The following LAYN variants were observed in gnomAD, a reference collection of about 807,000 sequenced individuals.
LAYN encodes the protein layilin.
LAYN carries 38 observed loss-of-function variants against 43.6 expected under a neutral mutation model. The observed-to-expected ratio is 0.87, with a 90% CI of 0.67 to 1.14. The LOEUF (loss-of-function observed/expected upper bound fraction) is 1.14, where lower values mean the gene tolerates loss of function less well. Ranked by LOEUF, LAYN falls within the 50% of genes most tolerant of loss-of-function variation. The pLI, the probability that LAYN is intolerant of heterozygous loss-of-function variation, is 0.00. For synonymous variants in LAYN, 168 were observed against 172.9 expected (o/e 0.97, Z 0.22); for missense variants, 479 against 463.8 (o/e 1.03, Z -0.30).
chr11:111,555,375 C>A (rs976405061), intron 5 of LAYN, 85 bp downstream of exon 5: 2 of 958,186 alleles, frequency 2.1e-6, no homozygotes, highest in Non-Finnish European at 3.2e-6. Flanking sequence ...CTACTTTGTT[C>A]TTTCCCACAG....
intron 2 of LAYN, 48 bp from the exon 3 acceptor site, chr11:111,549,570 C>A: frequency 2.8e-6 from 4 of 1,452,520 alleles, no homozygotes; most frequent in Non-Finnish European, 2.7e-6. Context: ...TTTGAAGTCT[C>A]AGGGGATCCT....
rs760276509 is a variant in LAYN, at chr11:111,560,475, A to C, written c.*17A>C. 6 of 1,587,388 alleles carry C rather than the reference A, an allele frequency of 3.8e-6. No homozygotes were observed. The Admixed American group carries it at 1.1e-4, about 29-fold the overall frequency. ...GGTTATTAGGACATATAAAAAACTG[A>C]AACTGACAACAATGGAAAAGAAATG... On this transcript the variant is annotated 3_prime_UTR_variant, in exon 7 of 7. Coordinates refer to ENST00000375614, the MANE Select transcript of LAYN (RefSeq NM_178834.5).
At chr11:111,547,983 G>A (rs1040822737) in intron 2 of LAYN, among the ~76,000 whole-genome samples, 1 of 152,146 alleles carries the variant, frequency 6.6e-6, no homozygotes, top group African/African-American at 2.4e-5. Flanking sequence ...AACCAATGTG[G>A]AACTGTACCA....
In LAYN at chr11:111,549,739, A is replaced by G; in HGVS notation, c.505A>G (p.Asn169Asp). 1 of 1,605,580 alleles carries G rather than the reference A, an allele frequency of 6.2e-7. No individual in the cohort carries two copies. Among genetic ancestry groups the G allele is most frequent in the Admixed American group, 1.7e-5 (1 of 58,368 alleles). The change falls in exon 3 of 7, where the codon AAC (asparagine) becomes GAC (aspartate). Residue 169 changes from asparagine (N) to aspartate (D), a missense_variant. Asn to Asp is a conservative substitution (Grantham distance 23). Transcript: ENST00000375614. ...GTTCCAGTGGAATGATGACCGGTGCAACATGAAGAACAATTTCATTTGCAA... is the reference window on the plus strand; with the variant it reads ...GTTCCAGTGGAATGATGACCGGTGCGACATGAAGAACAATTTCATTTGCAA... ...YMFQWNDDRC[N>D]MKNNFICKYS...
At chr11:111,541,812 A>G (rs546228453) in intron 1 of LAYN, among the ~76,000 whole-genome samples, 1 of 152,034 alleles carries the variant, frequency 6.6e-6, no homozygotes, top group Non-Finnish European at 1.5e-5. Flanking sequence ...TGGGAAGCTG[A>G]ATTGAGCTGC....
intron 1 of LAYN, among the ~76,000 whole-genome samples, chr11:111,542,824 C>T (rs927089284): frequency 6.6e-6 from 1 of 152,208 alleles, no homozygotes; most frequent in Non-Finnish European, 1.5e-5. Context: ...TTCCTGTATT[C>T]CCAGCACCTC....
At position 111,560,173 on chromosome 11, in the gene LAYN, C is replaced by T; in HGVS notation, c.840C>T (p.Asp280=). The part of the protein sequence containing the change: ...WPSPHQGNSP[D]LEVYNVIRKQ... ...CTCCTCACCAGGGAAACAGCCCGGA[C>T]CTAGAGGTCTACAATGTCATAAGAA... Residue 280 remains aspartate, a synonymous_variant, in exon 7 of 7, where the codon GAC becomes GAT. Coordinates refer to ENST00000375614, the MANE Select transcript of LAYN (RefSeq NM_178834.5). 1 of 1,614,214 alleles carries T rather than the reference C, an allele frequency of 6.2e-7. No homozygotes were observed. The highest frequency in any genetic ancestry group is 8.5e-7 in the Non-Finnish European group (1 of 1,180,046).
intron 2 of LAYN, among the ~76,000 whole-genome samples, chr11:111,546,272 C>G (rs1240681444): frequency 6.6e-6 from 1 of 152,212 alleles, no homozygotes; most frequent in Non-Finnish European, 1.5e-5. Context: ...TCCTAGTCCA[C>G]AATCTTCCAG....
At chr11:111,541,353 G>T in intron 1 of LAYN, 1 of 612,972 alleles carries the variant, frequency 1.6e-6, no homozygotes, top group Non-Finnish European at 2.9e-6. Flanking sequence ...GGCGGCCGCA[G>T]AGACAGCGGG....
chr11:111,553,186 T>C (rs1867772659), intron 3 of LAYN, among the ~76,000 whole-genome samples: 1 of 151,884 alleles, frequency 6.6e-6, no homozygotes, highest in Non-Finnish European at 1.5e-5. Flanking sequence ...GAGCTTGCAG[T>C]GAGCCGAGAT....
In LAYN at chr11:111,560,192, A is replaced by G. The variant is rs550459608; in HGVS notation, c.859A>G (p.Ile287Val). 1.2e-6 allele frequency: 2 copies of G among 1,614,226 alleles called. No individual in the cohort carries two copies. The highest frequency in any genetic ancestry group is 2.7e-5 in the African/African-American group (2 of 75,060). ...CCCGGACCTAGAGGTCTACAATGTC[A>G]TAAGAAAACAAAGCGAAGCTGACTT... is the stretch of plus-strand genomic sequence containing the variant. ...NSPDLEVYNV[I>V]RKQSEADLAE... Residue 287 changes from isoleucine to valine, a missense_variant, in exon 7 of 7, where the codon ATA becomes GTA. Coordinates refer to ENST00000375614, the MANE Select transcript of LAYN (RefSeq NM_178834.5).
intron 5 of LAYN, among the ~76,000 whole-genome samples, chr11:111,557,198 T>G (rs960040911): frequency 6.6e-6 from 1 of 152,110 alleles, no homozygotes; most frequent in Non-Finnish European, 1.5e-5. Context: ...ACAAAAAGCT[T>G]AATTAACAAA....
At chr11:111,558,783 A>AAATAT (rs386374901) in intron 6 of LAYN, among the ~76,000 whole-genome samples, 2 of 143,134 alleles carry the variant, frequency 1.4e-5, no homozygotes, top group African/African-American at 5.3e-5. Flanking sequence ...TATTTAAAAA[A>AAATAT]ATATATATAT....
Position 111,561,481 on chromosome 11 carries a change from A to G in LAYN, c.*1023A>G, listed in dbSNP as rs1413891730. 1 of 152,226 alleles carries G rather than the reference A, an allele frequency of 6.6e-6. No individual in the cohort carries two copies. Among genetic ancestry groups the G allele is most frequent in the Non-Finnish European group, 1.5e-5 (1 of 68,040 alleles). The allele number at this position is 152,226 out of a possible 1,614,324, so 9.4% of individuals were successfully genotyped here. A position where few individuals can be genotyped will look rare whatever the true frequency, so the allele number is the denominator to read the frequency against. Reference sequence around the variant, plus strand: ...TTGCATGTTTGTTACTGCAGCATCAACATAACATGACTAATAATGATGACA... The same window carrying G: ...TTGCATGTTTGTTACTGCAGCATCAGCATAACATGACTAATAATGATGACA... On this transcript the variant is annotated 3_prime_UTR_variant, in exon 7 of 7. Coordinates refer to ENST00000375614, the MANE Select transcript of LAYN (RefSeq NM_178834.5).
At chr11:111,558,304 T>A (rs1867880991) in intron 6 of LAYN, among the ~76,000 whole-genome samples, 1 of 152,290 alleles carries the variant, frequency 6.6e-6, no homozygotes, top group South Asian at 2.1e-4. Flanking sequence ...TATTCCCATT[T>A]ACAACAGGAA....
chr11:111,545,108 G>T (rs978328070), intron 2 of LAYN, among the ~76,000 whole-genome samples: 1 of 151,136 alleles, frequency 6.6e-6, no homozygotes. Context: ...CAGCACATCA[G>T]CATCTATCTT....
chr11:111,559,945 C>T (rs1663782559), intron 6 of LAYN, 150 bp from the exon 7 acceptor site: 1 of 825,388 alleles, frequency 1.2e-6, no homozygotes, highest in Admixed American at 2.4e-5. Flanking sequence ...GGTTCCCTCC[C>T]ACTCCGAAGC....
intron 1 of LAYN, among the ~76,000 whole-genome samples, chr11:111,542,422 A>G (rs1295151981): frequency 2.0e-5 from 3 of 152,248 alleles, no homozygotes; most frequent in African/African-American, 7.2e-5. Flanking sequence ...GAAAGTGATG[A>G]GAGAAGAAAT....
Position 111,560,471 on chromosome 11 carries a change from A to T in LAYN, c.*13A>T, listed in dbSNP as rs775075932. ...ATATGGTTATTAGGACATATAAAAA[A>T]CTGAAACTGACAACAATGGAAAAGA... On this transcript the variant is annotated 3_prime_UTR_variant, in exon 7 of 7. Transcript: ENST00000375614. 2.5e-6 allele frequency: 4 copies of T among 1,587,826 alleles called. No homozygotes were observed. The highest frequency in any genetic ancestry group is 2.6e-6 in the Non-Finnish European group (3 of 1,168,566).
Sources: allele counts gnomAD v4.1 joint callset (sites outside exome capture counted in the v4.1 genomes callset), GRCh38; gene constraint gnomAD v4.1.1; transcripts MANE v1.5; gene names NCBI Gene and HGNC (gene_info 2026-07-23, HGNC 2026-07-21).